N4BP2: variants seen among roughly 807,000 people sequenced by gnomAD.
The protein encoded by N4BP2 is NEDD4 binding protein 2, also known as NEDD4-binding protein 2.
Under a neutral mutation model 152.8 loss-of-function variants are expected in N4BP2, and 91 were observed. The ratio of observed to expected loss-of-function variants is 0.60; its 90% CI spans 0.50 to 0.71. The LOEUF (loss-of-function observed/expected upper bound fraction) is 0.71. Among genes scored for constraint, N4BP2 ranks in the 30% least tolerant of loss-of-function variants. N4BP2 has a pLI of 0.00. For missense variants in N4BP2, 1,923 were observed against 2,059.1 expected (o/e 0.93, Z 1.28); for synonymous variants, 646 against 705.3 (o/e 0.92, Z 1.33).
chr4:40,187,474 T>G, the N4BP2 span, among the ~76,000 whole-genome samples: 1 of 149,800 alleles, frequency 6.7e-6, no homozygotes, highest in Admixed American at 6.7e-5. Context: ...AGTTATTTAT[T>G]TATTTTTAAA....
At chr4:40,187,935 C>T in the N4BP2 span, among the ~76,000 whole-genome samples, 1 of 152,218 alleles carries the variant, frequency 6.6e-6, no homozygotes, top group East Asian at 1.9e-4. Flanking sequence ...AAATTACAGG[C>T]ATCTTAGGAA....
chr4:40,186,642 C>T, the N4BP2 span, among the ~76,000 whole-genome samples: 15 of 152,212 alleles, frequency 9.9e-5, no homozygotes, highest in African/African-American at 2.7e-4. Flanking sequence ...AATCCAAATT[C>T]GTTTTGTAAC....
At chr4:40,094,522 T>TAGGGTTGCA in intron 2 of N4BP2, among the ~76,000 whole-genome samples, 1 of 152,172 alleles carries the variant, frequency 6.6e-6, no homozygotes, top group East Asian at 1.9e-4. Flanking sequence ...TTAGTGCATA[T>TAGGGTTGCA]ACATTTAGGG....
Position 40,102,380 on chromosome 4 carries a change from T to C in N4BP2, c.535T>C (p.Phe179Leu), listed in dbSNP as rs201895626. The C allele has an allele frequency of 3.1e-6, 5 of 1,612,334 alleles. No individual in the cohort carries two copies. Among genetic ancestry groups the C allele is most frequent in the East Asian group, 2.2e-5 (1 of 44,852 alleles). The change falls in exon 4 of 18, where the codon TTT becomes CTT. Residue 179 changes from phenylalanine to leucine, a missense_variant. Transcript: ENST00000261435. ...DVNSFNDSSE[F>L]INPDSSNMTP... is the part of the protein sequence containing the mutation. ...TAATAGTTTTAATGACTCAAGTGAG[T>C]TTATAAATCCTGATTCAAGTAATAT...
chr4:40,147,381 A>G (rs538953725), intron 16 of N4BP2, among the ~76,000 whole-genome samples: 1 of 152,244 alleles, frequency 6.6e-6, no homozygotes, highest in East Asian at 1.9e-4. Context: ...TTTCTATTCC[A>G]CAAAACCGCC....
chr4:40,151,609 G>A (rs1191724207), intron 16 of N4BP2, among the ~76,000 whole-genome samples: 1 of 152,100 alleles, frequency 6.6e-6, no homozygotes, highest in Non-Finnish European at 1.5e-5. Context: ...CATATGTAAA[G>A]AACAGTGCCC....
At chr4:40,071,040 G>A (rs1338775167) in intron 1 of N4BP2, among the ~76,000 whole-genome samples, 1 of 151,804 alleles carries the variant, frequency 6.6e-6, no homozygotes, top group Non-Finnish European at 1.5e-5. Context: ...GGCCAGGCTG[G>A]TGTTTTTTTT....
Position 40,121,809 on chromosome 4 carries a change from A to G in N4BP2, c.3698A>G (p.Asp1233Gly), listed in dbSNP as rs1275780316. The G allele has an allele frequency of 8.1e-6, 13 of 1,613,984 alleles. No homozygotes were observed. Among genetic ancestry groups the G allele is most frequent in the Non-Finnish European group, 1.1e-5 (13 of 1,180,022 alleles). Residue 1233 changes from aspartate (D) to glycine (G), a missense_variant, in exon 9 of 18, where the codon GAC becomes GGC. Asp to Gly is a moderately conservative substitution (Grantham distance 94). Coordinates refer to ENST00000261435, the MANE Select transcript of N4BP2 (RefSeq NM_018177.6). Reference sequence around the variant, plus strand: ...GCTGTGGGTCTAAAGAATAATAATGACATACTTCCTAACAGCCAGGAAGAA... The same window carrying G: ...GCTGTGGGTCTAAAGAATAATAATGGCATACTTCCTAACAGCCAGGAAGAA... The part of the protein sequence containing the change: ...SAAVGLKNNN[D>G]ILPNSQEELL...
intron 2 of N4BP2, among the ~76,000 whole-genome samples, chr4:40,078,738 G>A (rs1713042793): frequency 6.6e-6 from 1 of 151,358 alleles, no homozygotes; most frequent in Non-Finnish European, 1.5e-5. Flanking sequence ...ATGTTTCCCT[G>A]GCTGGTCTTA....
intron 2 of N4BP2, 134 bp downstream of exon 2, chr4:40,073,685 C>T (rs944055743): frequency 1.3e-5 from 2 of 151,988 alleles, no homozygotes; most frequent in Non-Finnish European, 2.9e-5. Flanking sequence ...CCTCAAACTG[C>T]TAGGCTCAAG....
chr4:40,180,578 C>A, the N4BP2 span, among the ~76,000 whole-genome samples: 1 of 152,150 alleles, frequency 6.6e-6, no homozygotes, highest in Non-Finnish European at 1.5e-5. Context: ...TACTCATGCA[C>A]AATTCATTCA....
chr4:40,175,673 TGGCG>T, the N4BP2 span, among the ~76,000 whole-genome samples: 4 of 151,456 alleles, frequency 2.6e-5, no homozygotes, highest in African/African-American at 9.7e-5. Context: ...CAGGGCGTGG[TGGCG>T]GGCGCCTGTG....
chr4:40,186,348 T>C, the N4BP2 span, among the ~76,000 whole-genome samples: 1 of 144,876 alleles, frequency 6.9e-6, no homozygotes, highest in Non-Finnish European at 1.5e-5. Context: ...TAGAGAAAAC[T>C]TAGGTAGACT....
chr4:40,179,899 G>A, the N4BP2 span, among the ~76,000 whole-genome samples: 5 of 151,692 alleles, frequency 3.3e-5, no homozygotes, highest in Non-Finnish European at 7.4e-5. Flanking sequence ...CGAGTAGCTG[G>A]AATTACAGGC....
At chr4:40,135,756 A>G (rs1023533620) in intron 13 of N4BP2, among the ~76,000 whole-genome samples, 6 of 152,138 alleles carry the variant, frequency 3.9e-5, no homozygotes, top group Admixed American at 1.3e-4. Flanking sequence ...TAGTAGAGAC[A>G]GGGTTTCACC....
chr4:40,131,702 A>C (rs1443955215), intron 12 of N4BP2, 99 bp from the exon 13 acceptor site: 1 of 798,460 alleles, frequency 1.3e-6, no homozygotes, highest in East Asian at 2.5e-5. Flanking sequence ...ATTGCTTTTA[A>C]ATCATCAGTA....
intron 16 of N4BP2, 67 bp from the exon 17 acceptor site, chr4:40,152,713 G>A: frequency 6.4e-7 from 1 of 1,572,376 alleles, no homozygotes; most frequent in Admixed American, 1.7e-5. Flanking sequence ...GAGTAGCTAA[G>A]GTTTACGTTT....
chr4:40,064,922 C>T (rs956661320), intron 1 of N4BP2, among the ~76,000 whole-genome samples: 1 of 151,986 alleles, frequency 6.6e-6, no homozygotes, highest in African/African-American at 2.4e-5. Context: ...AGGTATGCAC[C>T]ACCACACTCG....
intron 1 of N4BP2, among the ~76,000 whole-genome samples, chr4:40,058,295 C>G (rs566194309): frequency 1.3e-5 from 2 of 152,224 alleles, no homozygotes; most frequent in Admixed American, 6.5e-5. Context: ...ATGTAAACAT[C>G]GTGTGTTCTG....
Sources: allele counts gnomAD v4.1 joint callset (sites outside exome capture counted in the v4.1 genomes callset), GRCh38; gene constraint gnomAD v4.1.1; transcripts MANE v1.5; gene names NCBI Gene and HGNC (gene_info 2026-07-23, HGNC 2026-07-21).